Variants in TRAPPC9 observed in about 807,000 individuals in gnomAD.
TRAPPC9 encodes the protein IKK2 binding protein.
In TRAPPC9, 83 loss-of-function variants were observed where a neutral mutation model predicts 124.0. That is an observed-to-expected ratio of 0.67 (90% CI 0.56 to 0.80). The LOEUF (loss-of-function observed/expected upper bound fraction) is 0.80, where lower values mean the gene tolerates loss of function less well. TRAPPC9 is among the 30% of genes least tolerant of loss of function. TRAPPC9 has a pLI of 0.00. For synonymous variants in TRAPPC9, 638 were observed against 617.5 expected (o/e 1.03, Z -0.49); for missense variants, 1,302 against 1,508.3 (o/e 0.86, Z 2.27).
intron 17 of TRAPPC9, among the ~76,000 whole-genome samples, chr8:140,176,459 G>A (rs2062073851): frequency 6.6e-6 from 1 of 152,136 alleles, no homozygotes. Context: ...AGACAGTAAC[G>A]TTTCTGAGAT....
At chr8:139,797,041 T>C (rs752819361) in intron 21 of TRAPPC9, among the ~76,000 whole-genome samples, 2 of 152,238 alleles carry the variant, frequency 1.3e-5, no homozygotes, top group South Asian at 4.1e-4. Flanking sequence ...GCCATTTATA[T>C]TGCTCTTTGA....
intron 19 of TRAPPC9, among the ~76,000 whole-genome samples, chr8:139,964,074 A>G (rs1195940499): frequency 6.6e-6 from 1 of 151,992 alleles, no homozygotes; most frequent in Non-Finnish European, 1.5e-5. Context: ...AATACAAAAA[A>G]TTAGCCGGGC....
intron 12 of TRAPPC9, among the ~76,000 whole-genome samples, chr8:140,288,380 T>C (rs1459824732): frequency 6.6e-6 from 1 of 152,208 alleles, no homozygotes; most frequent in African/African-American, 2.4e-5. Flanking sequence ...CCAGTTAATA[T>C]CCCTGCCACA....
At chr8:140,266,581 G>A (rs1044317105) in intron 15 of TRAPPC9, among the ~76,000 whole-genome samples, 6 of 151,762 alleles carry the variant, frequency 4.0e-5, no homozygotes, top group African/African-American at 1.2e-4. Flanking sequence ...CTCTGTGGCC[G>A]GGTGCAGTGG....
intron 10 of TRAPPC9, among the ~76,000 whole-genome samples, chr8:140,303,265 C>T (rs575449341): frequency 3.3e-5 from 5 of 152,204 alleles, no homozygotes; most frequent in East Asian, 1.9e-4. Context: ...TCAATGTTAG[C>T]TCTTAAAAAA....
chr8:140,228,880 T>C (rs1007475795), intron 16 of TRAPPC9, among the ~76,000 whole-genome samples: 2 of 152,038 alleles, frequency 1.3e-5, no homozygotes, highest in Non-Finnish European at 2.9e-5. Context: ...GGGGGGAAGA[T>C]AAAGAGAAAA....
intron 2 of TRAPPC9, among the ~76,000 whole-genome samples, chr8:140,443,469 T>A (rs1030936341): frequency 2.6e-5 from 4 of 151,878 alleles, no homozygotes; most frequent in African/African-American, 9.7e-5. Context: ...TATACTTAAA[T>A]AATGGCTACA....
At chr8:140,160,346 CG>C (rs2061724567) in intron 17 of TRAPPC9, among the ~76,000 whole-genome samples, 1 of 152,160 alleles carries the variant, frequency 6.6e-6, no homozygotes, top group African/African-American at 2.4e-5. Context: ...CACATGCACA[CG>C]TATGTTTATT....
intron 7 of TRAPPC9, among the ~76,000 whole-genome samples, chr8:140,385,653 G>T (rs2068735170): frequency 6.6e-6 from 1 of 152,088 alleles, no homozygotes; most frequent in Admixed American, 6.6e-5. Flanking sequence ...AATAACAGGA[G>T]CTGAAATTGA....
At chr8:140,388,371 G>GT (rs778749204) in intron 7 of TRAPPC9, among the ~76,000 whole-genome samples, 3 of 142,320 alleles carry the variant, frequency 2.1e-5, no homozygotes, top group African/African-American at 8.3e-5. Flanking sequence ...AGAACTTACA[G>GT]TAAAAAAAAA....
chr8:140,363,279 A>C (rs538532071), intron 8 of TRAPPC9, among the ~76,000 whole-genome samples: 1 of 152,342 alleles, frequency 6.6e-6, no homozygotes, highest in Non-Finnish European at 1.5e-5. Context: ...CACACAGCAC[A>C]CATCAGTGTT....
chr8:140,408,827 C>T (rs915694149), intron 5 of TRAPPC9, among the ~76,000 whole-genome samples: 1 of 151,602 alleles, frequency 6.6e-6, no homozygotes. Context: ...AAAATCAAAC[C>T]CACACCTCAC....
chr8:139,862,506 G>A (rs1269507428), intron 21 of TRAPPC9, among the ~76,000 whole-genome samples: 1 of 152,218 alleles, frequency 6.6e-6, no homozygotes, highest in African/African-American at 2.4e-5. Context: ...GCCTCATCAG[G>A]CTCAAGGTCA....
chr8:140,217,222 C>G (rs537351929), intron 17 of TRAPPC9, among the ~76,000 whole-genome samples: 1 of 152,338 alleles, frequency 6.6e-6, no homozygotes, highest in East Asian at 1.9e-4. Flanking sequence ...GGGAGAGCGC[C>G]ACATCTGGTC....
At chr8:140,331,271 C>T (rs1180033195) in intron 9 of TRAPPC9, among the ~76,000 whole-genome samples, 1 of 152,002 alleles carries the variant, frequency 6.6e-6, no homozygotes, top group Non-Finnish European at 1.5e-5. Flanking sequence ...TATAAGTATG[C>T]AGAAGAATGA....
intron 17 of TRAPPC9, among the ~76,000 whole-genome samples, chr8:140,152,317 G>GCATTGAA (rs1008576848): frequency 6.9e-6 from 1 of 145,354 alleles, no homozygotes; most frequent in African/African-American, 2.5e-5. Context: ...GATAGAGAAT[G>GCATTGAA]CATTGAACCT....
intron 9 of TRAPPC9, among the ~76,000 whole-genome samples, chr8:140,327,828 G>A (rs1428422250): frequency 1.3e-5 from 2 of 152,180 alleles, no homozygotes; most frequent in Non-Finnish European, 2.9e-5. Context: ...TTCTAGAAAT[G>A]GAGGGCGGTG....
At chr8:140,215,084 G>A (rs561520899) in intron 17 of TRAPPC9, among the ~76,000 whole-genome samples, 8 of 152,196 alleles carry the variant, frequency 5.3e-5, no homozygotes, top group South Asian at 2.1e-4. Flanking sequence ...CTCCCGCTCC[G>A]GTCCCCAGAG....
chr8:139,742,245 C>T lies in TRAPPC9; in HGVS notation c.3056-10043G>A, dbSNP rs905603192. 6.6e-5 allele frequency among the ~76,000 whole-genome samples: 10 copies of T among 152,218 alleles called. No homozygotes were observed. The highest frequency in any genetic ancestry group is 2.4e-4 in the African/African-American group (10 of 41,460). On this transcript the variant is annotated intron_variant, in intron 21 of 22. Transcript: ENST00000438773. This position sits in a 1 kb window ranked among gnomAD's most constrained non-coding sequence, Gnocchi z 4.7. Reference sequence around the variant, plus strand: ...AGCATCTTGCTGCGGTTCTCACGTGCGTTCTCCCGATCTACCCCCAACCGG... The same window carrying T: ...AGCATCTTGCTGCGGTTCTCACGTGTGTTCTCCCGATCTACCCCCAACCGG...
Sources: allele counts gnomAD v4.1 joint callset (sites outside exome capture counted in the v4.1 genomes callset), GRCh38; gene constraint gnomAD v4.1.1; non-coding constraint Gnocchi (gnomAD v3.1); transcripts MANE v1.5; gene names NCBI Gene and HGNC (gene_info 2026-07-23, HGNC 2026-07-21).